DAB2: variants seen among roughly 807,000 people sequenced by gnomAD.
DAB2 encodes the protein disabled homolog 2.
DAB2 carries 28 observed loss-of-function variants against 71.6 expected under a neutral mutation model. The ratio of observed to expected loss-of-function variants is 0.39; its 90% CI spans 0.29 to 0.54. DAB2 has a LOEUF of 0.54. Among genes scored for constraint, DAB2 ranks in the 20% least tolerant of loss-of-function variants. The probability of loss-of-function intolerance (pLI) is 0.68; values close to 1 mark genes in which losing one functional copy is unlikely to be tolerated. For synonymous variants in DAB2, 345 were observed against 339.7 expected, an observed-to-expected ratio of 1.02 and a Z score of -0.17; for missense variants, 867 against 928.8, an observed-to-expected ratio of 0.93 and a Z score of 0.86.
Position 39,381,480 on chromosome 5 carries a change from G to A in DAB2, c.1478C>T (p.Ala493Val). ...TAGACCCACCAGGGGCCCCACTGGGGCAGGAGCACTTGTTTTGAAGAGATC... is the reference window on the plus strand; with the variant it reads ...TAGACCCACCAGGGGCCCCACTGGGACAGGAGCACTTGTTTTGAAGAGATC... ...PLDLFKTSAP[A>V]PVGPLVGLGG... The change falls in exon 11 of 15, where the codon GCC (alanine) becomes GTC (valine). Residue 493 changes from alanine (A) to valine (V), a missense_variant. Physicochemically the swap from Ala to Val is moderately conservative, Grantham distance 64. Transcript: ENST00000320816. 6.2e-7 allele frequency: 1 copy of A among 1,614,060 alleles called. No individual in the cohort carries two copies. Among genetic ancestry groups the A allele is most frequent in the Non-Finnish European group, 8.5e-7 (1 of 1,179,968 alleles).
chr5:39,374,722 G>A, intron 14 of DAB2: 1 of 312,796 alleles, frequency 3.2e-6, no homozygotes, highest in South Asian at 4.5e-5. Context: ...GTGATGTGTT[G>A]TTTTGAGTTT....
At chr5:39,378,940 C>T (rs1754893801) in intron 11 of DAB2, among the ~76,000 whole-genome samples, 1 of 152,132 alleles carries the variant, frequency 6.6e-6, no homozygotes, top group Admixed American at 6.5e-5. Flanking sequence ...TTATATTCTA[C>T]AATACAGGCT....
intron 1 of DAB2, among the ~76,000 whole-genome samples, chr5:39,416,896 T>A (rs1456448093): frequency 6.6e-6 from 1 of 152,156 alleles, no homozygotes; most frequent in Non-Finnish European, 1.5e-5. Flanking sequence ...TGCACCTTAA[T>A]CTTAGGTTAA....
intron 1 of DAB2, among the ~76,000 whole-genome samples, chr5:39,404,182 C>T (rs552687647): frequency 9.8e-4 from 134 of 136,558 alleles, no homozygotes; most frequent in Admixed American, 4.2e-3. Context: ...CTCATAGGTG[C>T]GAATTGAACA....
intron 1 of DAB2, among the ~76,000 whole-genome samples, chr5:39,412,218 C>A (rs1290249949): frequency 2.0e-5 from 3 of 152,112 alleles, no homozygotes; most frequent in Non-Finnish European, 2.9e-5. Flanking sequence ...AGGCCACTAG[C>A]TACCCTAGAT....
In DAB2 at chr5:39,383,063, G is replaced by A; in HGVS notation, c.896C>T (p.Pro299Leu). 1 of 1,614,102 alleles carries A rather than the reference G, an allele frequency of 6.2e-7. No homozygotes were observed. The highest frequency in any genetic ancestry group is 8.5e-7 in the Non-Finnish European group (1 of 1,180,008). ...TGTCGATTGGTCTGGCTGTGTGAAA[G>A]GATCGTCACGGAAAGGATCAGGATT... ...TPNPDPFRDDPFTQPDQSTPS... is the reference protein window; with the variant it reads ...TPNPDPFRDDLFTQPDQSTPS... The change falls in exon 10 of 15, where the codon CCT becomes CTT. Residue 299 changes from proline (P) to leucine (L), a missense_variant. By Grantham distance (98) the Pro-to-Leu change is moderately conservative. Transcript: ENST00000320816.
At chr5:39,397,849 C>T (rs890676811) in intron 1 of DAB2, among the ~76,000 whole-genome samples, 7 of 152,030 alleles carry the variant, frequency 4.6e-5, no homozygotes, top group African/African-American at 1.7e-4. Context: ...CTTTCTAGGC[C>T]CAGAACAAGA....
At chr5:39,374,962 AC>A in intron 14 of DAB2, 51 bp downstream of exon 14, 1 of 1,112,628 alleles carries the variant, frequency 9.0e-7, no homozygotes, top group Non-Finnish European at 1.4e-6. Context: ...ATTCCATGTC[AC>A]CCTTTCTCAC....
chr5:39,398,583 T>C (rs894863418), intron 1 of DAB2, among the ~76,000 whole-genome samples: 1 of 152,276 alleles, frequency 6.6e-6, no homozygotes, highest in Admixed American at 6.5e-5. Flanking sequence ...AGGGTAAGTC[T>C]CCATTGTAGG....
chr5:39,391,071 A>G (rs1205292331), intron 4 of DAB2, among the ~76,000 whole-genome samples: 3 of 152,196 alleles, frequency 2.0e-5, no homozygotes, highest in East Asian at 3.9e-4. Context: ...GAGGATACCA[A>G]ATACTGTCAT....
chr5:39,378,066 GGA>G (rs1754873700), intron 11 of DAB2, among the ~76,000 whole-genome samples: 1 of 152,214 alleles, frequency 6.6e-6, no homozygotes, highest in African/African-American at 2.4e-5. Flanking sequence ...ATTTAAAAGA[GGA>G]GAGAGGACAA....
intron 1 of DAB2, chr5:39,417,291 T>A (rs560768909): frequency 1.7e-3 from 218 of 130,356 alleles, no homozygotes; most frequent in African/African-American, 5.8e-3. Flanking sequence ...GAATCTAAAG[T>A]ATAAAAATAA....
At chr5:39,380,575 C>T (rs1042724233) in intron 11 of DAB2, among the ~76,000 whole-genome samples, 5 of 152,140 alleles carry the variant, frequency 3.3e-5, no homozygotes, top group South Asian at 2.1e-4. Flanking sequence ...ACAGCAAAAA[C>T]TATTGTCAGG....
Position 39,397,706 on chromosome 5 carries a change from A to C in DAB2, c.-101-3285T>G, listed in dbSNP as rs112195889. 6.0e-3 allele frequency among the ~76,000 whole-genome samples: 917 copies of C among 152,306 alleles called. 8 individuals carry two copies. Among genetic ancestry groups the C allele is most frequent in the Non-Finnish European group, 0.011 (720 of 68,032 alleles). Reference sequence around the variant, plus strand: ...CTGTTTTGATTTTCCAGATCAAAAAACTATTCTTTAAGGGTACCCTAAATG... The same window carrying C: ...CTGTTTTGATTTTCCAGATCAAAAACCTATTCTTTAAGGGTACCCTAAATG... On this transcript the variant is annotated intron_variant, in intron 1 of 14. Transcript: ENST00000320816.
At chr5:39,406,604 G>GAACATATA (rs372343281) in intron 1 of DAB2, among the ~76,000 whole-genome samples, 57 of 152,292 alleles carry the variant, frequency 3.7e-4, no homozygotes, top group African/African-American at 1.3e-3. Flanking sequence ...ATATTAATCA[G>GAACATATA]AACATATACC....
chr5:39,393,195 T>C, intron 3 of DAB2, 59 bp downstream of exon 3: 3 of 1,552,468 alleles, frequency 1.9e-6, no homozygotes, highest in Non-Finnish European at 2.7e-6. Context: ...GCTTCTAATA[T>C]AATTCCCTCT....
chr5:39,409,107 G>A (rs1183386436), intron 1 of DAB2, among the ~76,000 whole-genome samples: 3 of 151,258 alleles, frequency 2.0e-5, no homozygotes, highest in African/African-American at 4.9e-5. Context: ...TAGCCTACCT[G>A]CTTGAAATTG....
In DAB2 at chr5:39,376,849, T is replaced by G; in HGVS notation, c.1938A>C (p.Lys646Asn). The change falls in exon 12 of 15, where the codon AAA (lysine) becomes AAC (asparagine). Residue 646 changes from lysine (K) to asparagine (N), a missense_variant. This residue lies in a region of DAB2 where 740 missense variants were observed against 734.3 expected (regional missense o/e 1.01). Transcript: ENST00000320816. ...ACATTTCTTTCACATCCTTGATCTCTTTATCCCCAAGTGGGTCTAAGGCAG... is the reference window on the plus strand; with the variant it reads ...ACATTTCTTTCACATCCTTGATCTCGTTATCCCCAAGTGGGTCTAAGGCAG... ...AFTALDPLGD[K>N]EIKDVKEMFK... is the part of the protein sequence containing the mutation. 1 of 1,614,118 alleles carries G rather than the reference T, an allele frequency of 6.2e-7. No homozygotes were observed. Among genetic ancestry groups the G allele is most frequent in the Non-Finnish European group, 8.5e-7 (1 of 1,179,996 alleles).
chr5:39,408,732 C>T (rs890032402), intron 1 of DAB2: 1 of 152,074 alleles, frequency 6.6e-6, no homozygotes, highest in African/African-American at 2.4e-5. Flanking sequence ...ATTTATTTGT[C>T]AAATTTCAGG....
Sources: allele counts gnomAD v4.1 joint callset (sites outside exome capture counted in the v4.1 genomes callset), GRCh38; gene constraint gnomAD v4.1.1; regional missense constraint gnomAD v4.1.1; transcripts MANE v1.5; gene names NCBI Gene and HGNC (gene_info 2026-07-23, HGNC 2026-07-21).